ACTR3C: variants seen among roughly 807,000 people sequenced by gnomAD.
ACTR3C encodes actin-related protein 3C.
Under a neutral mutation model 26.3 loss-of-function variants are expected in ACTR3C, and 18 were observed. The observed-to-expected ratio is 0.68, with a 90% CI of 0.47 to 1.01. The LOEUF is 1.01. Among genes scored for constraint, ACTR3C ranks in the 50% least tolerant of loss-of-function variants. The probability of loss-of-function intolerance (pLI) is 0.00; values close to 1 mark genes in which losing one functional copy is unlikely to be tolerated. For missense variants in ACTR3C, 184 were observed against 250.7 expected (o/e 0.73, Z 1.80); for synonymous variants, 55 against 94.5 (o/e 0.58, Z 2.42).
the ACTR3C span, among the ~76,000 whole-genome samples, chr7:150,210,542 C>T: frequency 6.1e-5 from 9 of 147,576 alleles, 1 homozygote; most frequent in African/African-American, 2.1e-4. Flanking sequence ...TATTACTTGG[C>T]AACAAATAAA....
the ACTR3C span, among the ~76,000 whole-genome samples, chr7:150,070,442 C>G: frequency 6.6e-6 from 1 of 152,112 alleles, no homozygotes; most frequent in Non-Finnish European, 1.5e-5. Flanking sequence ...AGCCAGGGGC[C>G]AAAATTGCTA....
the ACTR3C span, among the ~76,000 whole-genome samples, chr7:150,027,211 G>A: frequency 6.6e-6 from 1 of 152,152 alleles, no homozygotes; most frequent in Non-Finnish European, 1.5e-5. Context: ...ATAGTACACA[G>A]TGAACGGCAC....
the ACTR3C span, among the ~76,000 whole-genome samples, chr7:149,923,129 C>T: frequency 6.7e-6 from 1 of 150,252 alleles, no homozygotes; most frequent in African/African-American, 2.4e-5. Flanking sequence ...AACAATTAGA[C>T]AAAAATACAG....
Position 150,301,899 on chromosome 7 carries a change from C to T in ACTR3C, c.-51-6552G>A, listed in dbSNP as rs115992834. 7.1e-3 allele frequency among the ~76,000 whole-genome samples: 1,087 copies of T among 152,084 alleles called. 19 individuals are homozygous for T. Among genetic ancestry groups the T allele is most frequent in the African/African-American group, 0.025 (1,017 of 41,384 alleles). ...AAAGAGAATTCGTGTTCAATGGGGA[C>T]AGAGTTTTAGTTTGGGAAGATGAAA... On this transcript the variant is annotated intron_variant, in intron 1 of 7. Coordinates refer to ENST00000683684, the MANE Select transcript of ACTR3C (RefSeq NM_001164458.2).
chr7:150,202,022 C>A, the ACTR3C span, among the ~76,000 whole-genome samples: 1 of 152,100 alleles, frequency 6.6e-6, no homozygotes, highest in Non-Finnish European at 1.5e-5. Flanking sequence ...TCACCCCCGA[C>A]CTCCTTCTTT....
chr7:150,180,849 G>A, the ACTR3C span, among the ~76,000 whole-genome samples: 9 of 149,576 alleles, frequency 6.0e-5, no homozygotes, highest in Non-Finnish European at 1.3e-4. Flanking sequence ...TTAATTACTA[G>A]GGATGTGAAC....
the ACTR3C span, among the ~76,000 whole-genome samples, chr7:149,912,542 G>C: frequency 2.2e-3 from 330 of 147,054 alleles, no homozygotes; most frequent in African/African-American, 4.9e-3. Context: ...GCTCTTTCGA[G>C]CAGGCTAGAG....
the ACTR3C span, among the ~76,000 whole-genome samples, chr7:150,158,855 C>G: frequency 1.4e-5 from 2 of 144,778 alleles, no homozygotes; most frequent in Admixed American, 1.4e-4. Context: ...GGCACACACA[C>G]AGGCATGCCC....
Position 150,272,278 on chromosome 7 carries a change from C to T in ACTR3C, c.564+12475G>A, listed in dbSNP as rs976163033. Among the ~76,000 whole-genome samples, 3 of 139,502 alleles carry T rather than the reference C, an allele frequency of 2.2e-5. 1 individual carries two copies. Among genetic ancestry groups the T allele is most frequent in the African/African-American group, 9.2e-5 (3 of 32,544 alleles). 91.5% of individuals were successfully genotyped at this position (139,502 alleles called of 152,430 possible). ...ACACAAGGAGACGTCCCCCGAGCAG[C>T]TGAGGGGCGGGATCAGGAGAGAAGA... On this transcript the variant is annotated intron_variant, in intron 6 of 7. Coordinates refer to ENST00000683684, the MANE Select transcript of ACTR3C (RefSeq NM_001164458.2).
chr7:150,202,499 C>T, the ACTR3C span, among the ~76,000 whole-genome samples: 12 of 151,980 alleles, frequency 7.9e-5, no homozygotes, highest in African/African-American at 2.9e-4. Context: ...TGTCATTCAG[C>T]AATATAAATT....
chr7:150,250,201 A>ATTTTTTT (rs1832735541), intron 6 of ACTR3C, among the ~76,000 whole-genome samples: 1 of 134,456 alleles, frequency 7.4e-6, no homozygotes, highest in African/African-American at 3.2e-5. Flanking sequence ...ACAGAATCTG[A>ATTTTTTT]CTTTTTTTTT....
At chr7:150,024,687 T>TG in the ACTR3C span, among the ~76,000 whole-genome samples, 7 of 136,382 alleles carry the variant, frequency 5.1e-5, no homozygotes, top group Non-Finnish European at 9.4e-5. Context: ...ACACCACACT[T>TG]GCGTGCAAGA....
chr7:150,115,182 T>A, the ACTR3C span, among the ~76,000 whole-genome samples: 3 of 152,240 alleles, frequency 2.0e-5, no homozygotes, highest in Non-Finnish European at 2.9e-5. Flanking sequence ...ATTTACTCAA[T>A]GCCTGTCAAT....
At chr7:150,253,046 G>T (rs953745404) in intron 6 of ACTR3C, among the ~76,000 whole-genome samples, 14 of 151,948 alleles carry the variant, frequency 9.2e-5, no homozygotes, top group African/African-American at 2.9e-4. Context: ...CTGTTTTTAC[G>T]TATACTGGCT....
the ACTR3C span, among the ~76,000 whole-genome samples, chr7:149,941,884 G>A: frequency 6.6e-6 from 1 of 152,224 alleles, no homozygotes; most frequent in East Asian, 1.9e-4. Flanking sequence ...AGGATCGAGG[G>A]ATTGTAAATA....
the ACTR3C span, among the ~76,000 whole-genome samples, chr7:150,087,824 C>T: frequency 6.6e-6 from 1 of 152,164 alleles, no homozygotes; most frequent in African/African-American, 2.4e-5. Context: ...ATATAAGATC[C>T]ATAATGTGCT....
At chr7:149,943,192 G>A in the ACTR3C span, among the ~76,000 whole-genome samples, 1 of 138,688 alleles carries the variant, frequency 7.2e-6, no homozygotes, top group Non-Finnish European at 1.5e-5. Context: ...TAAAAGGAGA[G>A]TTGAGTAGTT....
rs144714074 is a variant in ACTR3C, at chr7:150,274,909, G to A, written c.564+9844C>T. ...CAGATCTCCTGGATGACGTTCTGGC[G>A]GTCAGCAGTCTTCTGGACACTTTCC... is the stretch of plus-strand genomic sequence containing the variant. On this transcript the variant is annotated intron_variant, in intron 6 of 7. Coordinates refer to ENST00000683684, the MANE Select transcript of ACTR3C (RefSeq NM_001164458.2). The surrounding 1 kb of genome is among the most constrained non-coding windows in gnomAD (Gnocchi z 4.1). Among the ~76,000 whole-genome samples the A allele has an allele frequency of 0.025, 3,867 of 152,228 alleles. 64 individuals are homozygous for A. The highest frequency in any genetic ancestry group is 0.068 in the Middle Eastern group (20 of 294).
the ACTR3C span, among the ~76,000 whole-genome samples, chr7:149,926,026 G>A: frequency 1.4e-4 from 22 of 152,130 alleles, no homozygotes; most frequent in South Asian, 4.0e-3. Flanking sequence ...CTGTGCCGCC[G>A]CACTCTAGCA....
Sources: gnomAD v4.1 joint callset for allele counts (sites outside exome capture counted in the v4.1 genomes callset) on GRCh38, gnomAD v4.1.1 for gene constraint, Gnocchi (gnomAD v3.1) non-coding constraint, MANE v1.5 for transcripts, NCBI Gene and HGNC (gene_info 2026-07-23, HGNC 2026-07-21) for gene names.